Variants in SUMF1 observed in about 807,000 individuals in gnomAD.
SUMF1 encodes the protein sulfatase modifying factor 1.
SUMF1 carries 48 observed loss-of-function variants against 47.6 expected under a neutral mutation model. That is an observed-to-expected ratio of 1.01 (90% CI 0.80 to 1.28). The LOEUF (loss-of-function observed/expected upper bound fraction) is 1.28. Ranked by LOEUF, SUMF1 falls within the 50% of genes most tolerant of loss-of-function variation. The pLI is 0.00. For synonymous variants in SUMF1, 230 were observed against 192.1 expected (o/e 1.20, Z -1.63); for missense variants, 571 against 485.4 (o/e 1.18, Z -1.66).
At chr3:4,271,669 T>G (rs1240476834) in intron 8 of SUMF1, among the ~76,000 whole-genome samples, 1 of 152,120 alleles carries the variant, frequency 6.6e-6, no homozygotes, top group African/African-American at 2.4e-5. Flanking sequence ...GCCCAGCTAA[T>G]TAATTTTATT....
chr3:4,466,800 T>A (rs1393045118), intron 1 of SUMF1, among the ~76,000 whole-genome samples, 176 bp downstream of exon 1: 1 of 152,190 alleles, frequency 6.6e-6, no homozygotes, highest in Non-Finnish European at 1.5e-5. Flanking sequence ...GTCAATTAAA[T>A]GGAGTCTTCC....
At chr3:4,417,358 T>G in intron 5 of SUMF1, 116 bp from the exon 6 acceptor site, 1 of 703,276 alleles carries the variant, frequency 1.4e-6, no homozygotes, top group East Asian at 2.9e-5. Context: ...AGTGAGCCAG[T>G]TAAAATATAT....
intron 3 of SUMF1, among the ~76,000 whole-genome samples, chr3:4,442,651 A>AAAAAG (rs1416742068): frequency 2.9e-5 from 1 of 33,924 alleles, no homozygotes; most frequent in Non-Finnish European, 2.0e-4. Context: ...AAAAAAAAAA[A>AAAAAG]AGAGAGAGAA....
intron 9 of SUMF1, among the ~76,000 whole-genome samples, chr3:4,041,135 C>T (rs575688746): frequency 8.7e-4 from 133 of 152,112 alleles, no homozygotes; most frequent in Non-Finnish European, 1.7e-3. Context: ...TGCAGTGGTG[C>T]GATCTCAGCT....
chr3:4,093,972 A>T (rs1317420041), intron 8 of SUMF1, among the ~76,000 whole-genome samples: 1 of 152,102 alleles, frequency 6.6e-6, no homozygotes, highest in Non-Finnish European at 1.5e-5. Flanking sequence ...TTGGAAAGAG[A>T]TTCGAAATAA....
intron 8 of SUMF1, among the ~76,000 whole-genome samples, chr3:4,230,018 AAAAAG>A (rs1696263967): frequency 1.3e-5 from 2 of 152,132 alleles, no homozygotes; most frequent in African/African-American, 2.4e-5. Flanking sequence ...GTCACCAAAA[AAAAAG>A]AAAAGAAAAG....
At chr3:4,350,149 C>CCT (rs1322954930) in intron 8 of SUMF1, among the ~76,000 whole-genome samples, 2 of 151,670 alleles carry the variant, frequency 1.3e-5, no homozygotes, top group African/African-American at 4.8e-5. Flanking sequence ...TACAGGCATG[C>CCT]ACCACCACGC....
chr3:4,340,444 A>C (rs1699248630), intron 8 of SUMF1, among the ~76,000 whole-genome samples: 1 of 152,194 alleles, frequency 6.6e-6, no homozygotes, highest in Admixed American at 6.5e-5. Flanking sequence ...CATGAAAGTA[A>C]ATGGAAAGCC....
chr3:4,143,984 CTCTCT>C (rs753514215), intron 8 of SUMF1, among the ~76,000 whole-genome samples: 188 of 81,856 alleles, frequency 2.3e-3, no homozygotes, highest in East Asian at 6.3e-3. Flanking sequence ...ACTGTCTTCT[CTCTCT>C]TTTTTTTTTT....
chr3:4,203,615 T>C (rs1287368857), intron 8 of SUMF1, among the ~76,000 whole-genome samples: 2 of 152,028 alleles, frequency 1.3e-5, no homozygotes, highest in Non-Finnish European at 2.9e-5. Context: ...AAGGACTTTC[T>C]CCTGTCATGT....
intron 3 of SUMF1, among the ~76,000 whole-genome samples, chr3:4,445,275 T>A (rs1702740789): frequency 6.6e-6 from 1 of 152,182 alleles, no homozygotes; most frequent in African/African-American, 2.4e-5. Context: ...AAAAAAGATA[T>A]GCCCAAACCT....
In SUMF1 at chr3:4,217,996, A is replaced by T. The variant is rs138212262; in HGVS notation, c.1015-149251T>A. 2.1e-3 allele frequency among the ~76,000 whole-genome samples: 316 copies of T among 152,188 alleles called. 2 individuals carry two copies. The highest frequency in any genetic ancestry group is 7.1e-3 in the African/African-American group (295 of 41,522). ...CAGTCAAAACATTCAGTTTAATATC[A>T]TGTTATTCGCTTAATTCGACATAGT... On this transcript the variant is annotated intron_variant and NMD_transcript_variant, in intron 8 of 12. Coordinates refer to the SUMF1 transcript ENST00000448413.
intron 8 of SUMF1, among the ~76,000 whole-genome samples, chr3:4,159,313 T>G (rs1694523193): frequency 6.6e-6 from 1 of 151,186 alleles, no homozygotes; most frequent in Admixed American, 6.6e-5. Context: ...GCATGTTTTT[T>G]TTATTTGAGG....
chr3:4,087,236 T>C (rs1559459529), intron 8 of SUMF1, among the ~76,000 whole-genome samples: 1 of 152,212 alleles, frequency 6.6e-6, no homozygotes, highest in Admixed American at 6.5e-5. Flanking sequence ...CCAAGGTATT[T>C]AATCTGATTG....
chr3:4,338,274 T>C (rs1015101815), intron 8 of SUMF1, among the ~76,000 whole-genome samples: 2 of 151,450 alleles, frequency 1.3e-5, no homozygotes, highest in Non-Finnish European at 2.9e-5. Context: ...ACCCTGTCTC[T>C]TTATTAAAAA....
rs201267406 is a variant in SUMF1 at position 4,048,543 on chromosome 3, CT to C, written c.1191+20025del. On this transcript the variant is annotated intron_variant and NMD_transcript_variant, in intron 9 of 12. Transcript: ENST00000448413. ...ATGCCCTTGGACTAAATAATTCCCCCTGTTATAAGTCCTCATAGCACCATGT... is the reference window on the plus strand; with the variant it reads ...ATGCCCTTGGACTAAATAATTCCCCCGTTATAAGTCCTCATAGCACCATGT... 4.1e-3 allele frequency among the ~76,000 whole-genome samples: 628 copies of C among 152,152 alleles called. 1 individual carries two copies. The highest frequency in any genetic ancestry group is 0.015 in the African/African-American group (603 of 41,512).
chr3:4,042,907 C>G (rs970626438), intron 9 of SUMF1, among the ~76,000 whole-genome samples: 1 of 152,140 alleles, frequency 6.6e-6, no homozygotes, highest in Non-Finnish European at 1.5e-5. Flanking sequence ...CATCCCATCA[C>G]CTCCTAGACC....
At chr3:4,298,169 T>C (rs576784533) in intron 8 of SUMF1, among the ~76,000 whole-genome samples, 5 of 152,200 alleles carry the variant, frequency 3.3e-5, no homozygotes, top group African/African-American at 4.8e-5. Context: ...GGCAATTCAT[T>C]AATGTCCAGA....
At chr3:4,289,974 A>ATT in intron 8 of SUMF1, among the ~76,000 whole-genome samples, 1 of 152,360 alleles carries the variant, frequency 6.6e-6, no homozygotes, top group East Asian at 1.9e-4. Flanking sequence ...TTTTGCAACT[A>ATT]TTGGCAGATC....
Sources: allele counts gnomAD v4.1 joint callset (sites outside exome capture counted in the v4.1 genomes callset), GRCh38; gene constraint gnomAD v4.1.1; transcripts MANE v1.5; gene names NCBI Gene and HGNC (gene_info 2026-07-23, HGNC 2026-07-21).